EPB41L4A: variants seen among roughly 807,000 people sequenced by gnomAD.
EPB41L4A encodes the protein band 4.1-like protein 4A.
In EPB41L4A, 100 loss-of-function variants were observed where a neutral mutation model predicts 108.6. The ratio of observed to expected loss-of-function variants is 0.92; its 90% CI spans 0.78 to 1.09. The LOEUF is 1.09. Among genes scored for constraint, EPB41L4A ranks in the 50% least tolerant of loss-of-function variants. The pLI is 0.00. For missense variants in EPB41L4A, 1,030 were observed against 842.7 expected (o/e 1.22, Z -2.75); for synonymous variants, 319 against 289.0 (o/e 1.10, Z -1.05).
chr5:112,319,845 T>A (rs1038840065), intron 1 of EPB41L4A, among the ~76,000 whole-genome samples: 2 of 152,200 alleles, frequency 1.3e-5, no homozygotes, highest in African/African-American at 4.8e-5. Flanking sequence ...TGATGTTGAA[T>A]AGTTCTGCCA....
At chr5:112,161,809 G>C (rs1009770026), downstream of EPB41L4A, 3 of 295,850 alleles carry the variant, frequency 1.0e-5, no homozygotes, top group African/African-American at 2.2e-5. Flanking sequence ...CTTTGTAATG[G>C]GAATTTTTAT....
intron 14 of EPB41L4A, 68 bp from the exon 15 acceptor site, chr5:112,204,556 G>C: frequency 1.0e-6 from 1 of 1,000,190 alleles, no homozygotes; most frequent in South Asian, 1.3e-5. Flanking sequence ...CCGCAGCCCA[G>C]ACCTATTCAT....
At chr5:112,202,636 A>G (rs13164349) in intron 15 of EPB41L4A, among the ~76,000 whole-genome samples, 43,774 of 151,930 alleles carry the variant, frequency 0.29, 7,572 homozygotes, top group East Asian at 0.44. Flanking sequence ...CTGATCTAGC[A>G]CCCTCATGTC....
chr5:112,402,337 CT>C (rs549184679), intron 1 of EPB41L4A, among the ~76,000 whole-genome samples: 1,949 of 145,264 alleles, frequency 0.013, 19 homozygotes, highest in Admixed American at 0.038. Flanking sequence ...CCAATTAAAC[CT>C]TTTTTTTTTT....
Position 112,324,615 on chromosome 5 carries a change from C to T in EPB41L4A, c.100-17125G>A, listed in dbSNP as rs544088601. On this transcript the variant is annotated intron_variant, in intron 1 of 22. Transcript: ENST00000261486. ...GAACGCGTCTGTAGTCCCAGTGACT[C>T]GGGAGGCTGAGGCAGGAGAATCACT... Among the ~76,000 whole-genome samples, 42 of 150,998 alleles carry T rather than the reference C, an allele frequency of 2.8e-4. 2 individuals are homozygous for T. In the South Asian group the frequency reaches 8.2e-3, roughly 30 times the overall value.
chr5:112,278,866 C>G (rs1281860723), intron 3 of EPB41L4A, among the ~76,000 whole-genome samples: 2 of 149,440 alleles, frequency 1.3e-5, no homozygotes, highest in Non-Finnish European at 3.0e-5. Context: ...ACCAGCCTGG[C>G]CAACAAGGTG....
intron 1 of EPB41L4A, among the ~76,000 whole-genome samples, chr5:112,373,098 C>T (rs1759594774): frequency 6.6e-6 from 1 of 152,202 alleles, no homozygotes; most frequent in Non-Finnish European, 1.5e-5. Context: ...TACAGATCCC[C>T]ACACTGCAGA....
intron 1 of EPB41L4A, among the ~76,000 whole-genome samples, chr5:112,310,396 A>G (rs1754971404): frequency 1.3e-5 from 2 of 152,146 alleles, no homozygotes; most frequent in African/African-American, 4.8e-5. Context: ...TTCTTACTGC[A>G]TTGGCTGGGA....
intron 1 of EPB41L4A, among the ~76,000 whole-genome samples, chr5:112,385,364 G>A (rs1760443762): frequency 1.3e-5 from 2 of 152,044 alleles, no homozygotes; most frequent in South Asian, 2.1e-4. Context: ...ATTACAGAGA[G>A]GGCAGAATCC....
chr5:112,329,204 GT>G (rs534277390), intron 1 of EPB41L4A, among the ~76,000 whole-genome samples: 1 of 152,302 alleles, frequency 6.6e-6, no homozygotes, highest in South Asian at 2.1e-4. Context: ...TTGATTACAT[GT>G]TGAAATAATA....
chr5:112,196,240 G>A (rs1561466475), intron 15 of EPB41L4A, among the ~76,000 whole-genome samples: 1 of 152,126 alleles, frequency 6.6e-6, no homozygotes, highest in African/African-American at 2.4e-5. Context: ...GGGCATCCTG[G>A]TTAAAGGTGC....
At position 112,306,532 on chromosome 5, in the gene EPB41L4A, A is replaced by G. The variant is rs12659151; in HGVS notation, c.204+854T>C. On this transcript the variant is annotated intron_variant, in intron 2 of 22. Coordinates refer to ENST00000261486, the MANE Select transcript of EPB41L4A (RefSeq NM_022140.5). ...TTCTTCACTGAATGTACCACAAATG[A>G]CCCAGTGGAGGATGGGAGAACAAAT... Among the ~76,000 whole-genome samples, 1,599 of 152,228 alleles carry G rather than the reference A, an allele frequency of 0.011. 77 individuals carry two copies. In the East Asian group the frequency reaches 0.14, roughly 14 times the overall value.
At chr5:112,215,394 T>C (rs1020279170) in intron 12 of EPB41L4A, among the ~76,000 whole-genome samples, 1 of 152,180 alleles carries the variant, frequency 6.6e-6, no homozygotes, top group Non-Finnish European at 1.5e-5. Flanking sequence ...CAAGTAAAAA[T>C]AATAATAACT....
intron 1 of EPB41L4A, among the ~76,000 whole-genome samples, chr5:112,377,495 AC>A (rs1379053520): frequency 6.6e-6 from 1 of 152,118 alleles, no homozygotes; most frequent in Non-Finnish European, 1.5e-5. Context: ...CTTGGAAGTG[AC>A]CTTTAAGTGT....
chr5:112,245,626 G>A (rs955274372), intron 9 of EPB41L4A, among the ~76,000 whole-genome samples: 1 of 152,140 alleles, frequency 6.6e-6, no homozygotes, highest in Non-Finnish European at 1.5e-5. Flanking sequence ...ATGGGCATTT[G>A]GATGACAAGG....
At chr5:112,263,255 T>TGA (rs145750369) in intron 6 of EPB41L4A, among the ~76,000 whole-genome samples, 23 of 151,580 alleles carry the variant, frequency 1.5e-4, no homozygotes, top group Non-Finnish European at 1.8e-4. Flanking sequence ...TGTGAGTGTG[T>TGA]GAGAGAGAGA....
intron 1 of EPB41L4A, among the ~76,000 whole-genome samples, chr5:112,362,432 T>G (rs393096): frequency 1.3e-5 from 2 of 151,846 alleles, no homozygotes; most frequent in African/African-American, 4.8e-5. Flanking sequence ...AGGTATGCGC[T>G]GCTGCGCCAA....
chr5:112,308,836 T>A (rs1233779987), intron 1 of EPB41L4A, among the ~76,000 whole-genome samples: 2 of 152,188 alleles, frequency 1.3e-5, no homozygotes, highest in Admixed American at 1.3e-4. Context: ...GTATATGTTT[T>A]CCCCGCACCC....
intron 12 of EPB41L4A, among the ~76,000 whole-genome samples, chr5:112,223,377 T>TAA (rs1382724925): frequency 6.6e-6 from 1 of 151,846 alleles, no homozygotes; most frequent in Non-Finnish European, 1.5e-5. Flanking sequence ...ACAGAGCCAA[T>TAA]AAAAAAATCA....
Sources: gnomAD v4.1 joint callset for allele counts (sites outside exome capture counted in the v4.1 genomes callset) on GRCh38, gnomAD v4.1.1 for gene constraint, MANE v1.5 for transcripts, NCBI Gene and HGNC (gene_info 2026-07-23, HGNC 2026-07-21) for gene names.